SCNN1B: variants seen among roughly 807,000 people sequenced by gnomAD.
The protein encoded by SCNN1B is epithelial sodium channel subunit beta.
SCNN1B carries 46 observed loss-of-function variants against 65.3 expected under a neutral mutation model. The observed-to-expected ratio is 0.70, with a 90% CI of 0.56 to 0.90. The LOEUF is 0.90. Among genes scored for constraint, SCNN1B ranks in the 40% least tolerant of loss-of-function variants. The pLI is 0.00. For synonymous variants in SCNN1B, 349 were observed against 330.6 expected, an observed-to-expected ratio of 1.06 and a Z score of -0.60; for missense variants, 751 against 830.5, an observed-to-expected ratio of 0.90 and a Z score of 1.18.
At chr16:23,313,681 G>A (rs539655202) in intron 1 of SCNN1B, among the ~76,000 whole-genome samples, 5 of 152,100 alleles carry the variant, frequency 3.3e-5, no homozygotes, top group South Asian at 4.2e-4. Flanking sequence ...GCACGATCTC[G>A]GCTCACTGCA....
chr16:23,360,451 AG>A (rs1286829968), intron 4 of SCNN1B, among the ~76,000 whole-genome samples: 1 of 152,008 alleles, frequency 6.6e-6, no homozygotes, highest in South Asian at 2.1e-4. Flanking sequence ...CTGGAGGCTG[AG>A]GGGGAAGGAT....
chr16:23,361,933 C>T (rs1319069534), intron 4 of SCNN1B, among the ~76,000 whole-genome samples: 2 of 152,144 alleles, frequency 1.3e-5, no homozygotes, highest in African/African-American at 4.8e-5. Flanking sequence ...AAGCTGGTCT[C>T]AAACTCCTGG....
At chr16:23,328,368 A>T (rs1013331374) in intron 1 of SCNN1B, among the ~76,000 whole-genome samples, 1 of 152,230 alleles carries the variant, frequency 6.6e-6, no homozygotes, top group African/African-American at 2.4e-5. Flanking sequence ...TTAAAGAAAG[A>T]TATTAAGTAA....
At chr16:23,292,288 G>A (rs572373478) in intron 2 of SCNN1B, among the ~76,000 whole-genome samples, 1 of 151,560 alleles carries the variant, frequency 6.6e-6, no homozygotes, top group African/African-American at 2.4e-5. Context: ...CCGCCTACAG[G>A]GTTCATGCCA....
intron 2 of SCNN1B, among the ~76,000 whole-genome samples, chr16:23,286,803 C>A (rs1389001248): frequency 6.6e-6 from 1 of 152,062 alleles, no homozygotes; most frequent in African/African-American, 2.4e-5. Context: ...TGGAATCAAG[C>A]CAGGAGCCTG....
rs1277667241 is a variant in SCNN1B at position 23,380,083 on chromosome 16, G to A, written c.1467-11G>A. 2.5e-6 allele frequency: 4 copies of A among 1,612,128 alleles called. No individual in the cohort carries two copies. Among genetic ancestry groups the A allele is most frequent in the African/African-American group, 2.7e-5 (2 of 74,846 alleles). ...TACATTAGTCCCGGCCCTTCTCGCT[G>A]CCTCCTGCAGGAAGGGAATTGTCAA... On this transcript the variant is annotated splice_polypyrimidine_tract_variant and intron_variant, in intron 11 of 12. Transcript: ENST00000343070. The surrounding 1 kb of genome is among the most constrained non-coding windows in gnomAD (Gnocchi z 5.4).
At chr16:23,303,288 C>T (rs1387454963) in intron 1 of SCNN1B, among the ~76,000 whole-genome samples, 1 of 152,122 alleles carries the variant, frequency 6.6e-6, no homozygotes, top group Non-Finnish European at 1.5e-5. Context: ...CTCACCTCCA[C>T]CAGGGAGTAG....
rs1961000977 is a variant in SCNN1B, at chr16:23,296,626, AG to A, written n.178+12824del. Among the ~76,000 whole-genome samples the A allele has an allele frequency of 2.0e-5, 3 of 152,172 alleles. No homozygotes were observed. In the South Asian group the frequency reaches 6.2e-4, roughly 31 times the overall value. On this transcript the variant is annotated intron_variant and non_coding_transcript_variant, in intron 2 of 3. Coordinates refer to the SCNN1B transcript ENST00000569789. ...GGAGACAGAAAGAGGGATAACAAAA[AG>A]GACATGGATCGTGTCAGCTGGCGTG...
intron 2 of SCNN1B, among the ~76,000 whole-genome samples, chr16:23,350,666 A>AT (rs1962289222): frequency 6.6e-6 from 1 of 152,184 alleles, no homozygotes; most frequent in African/African-American, 2.4e-5. Context: ...TAATCTCAGC[A>AT]TTTTGAGAGG....
At chr16:23,376,345 CGT>C (rs10584896) in intron 8 of SCNN1B, among the ~76,000 whole-genome samples, 14,587 of 147,878 alleles carry the variant, frequency 0.099, 1,926 homozygotes, top group African/African-American at 0.3. Flanking sequence ...CTTTTGTGCA[CGT>C]GTGTGTGTGT....
intron 1 of SCNN1B, among the ~76,000 whole-genome samples, chr16:23,305,795 G>A (rs1337530490): frequency 6.6e-6 from 1 of 151,576 alleles, no homozygotes; most frequent in Admixed American, 6.6e-5. Context: ...CTCTGGGCCA[G>A]ACACTCAGCT....
chr16:23,346,179 G>A (rs1440284598), intron 1 of SCNN1B, among the ~76,000 whole-genome samples: 1 of 140,584 alleles, frequency 7.1e-6, no homozygotes, highest in Non-Finnish European at 1.5e-5. Flanking sequence ...TTGTATCCAT[G>A]GAACACCCTT....
chr16:23,297,211 C>T (rs1038804053), intron 2 of SCNN1B, among the ~76,000 whole-genome samples: 1 of 152,148 alleles, frequency 6.6e-6, no homozygotes, highest in Non-Finnish European at 1.5e-5. Flanking sequence ...CTTAGGCAGG[C>T]AGTTGCCTAT....
chr16:23,313,132 G>A (rs887678659), intron 1 of SCNN1B, among the ~76,000 whole-genome samples: 2 of 152,164 alleles, frequency 1.3e-5, no homozygotes, highest in African/African-American at 2.4e-5. Flanking sequence ...CTCAGTGAAC[G>A]TTTATTGAAT....
chr16:23,339,882 A>G (rs760769909), intron 1 of SCNN1B, among the ~76,000 whole-genome samples: 2 of 152,068 alleles, frequency 1.3e-5, no homozygotes, highest in African/African-American at 2.4e-5. Flanking sequence ...ACAAGAAACT[A>G]TATCAAACTA....
Position 23,380,701 on chromosome 16 carries a change from A to G in SCNN1B, c.1823A>G (p.Gln608Arg). 1 of 1,612,018 alleles carries G rather than the reference A, an allele frequency of 6.2e-7. No individual in the cohort carries two copies. Among genetic ancestry groups the G allele is most frequent in the Non-Finnish European group, 8.5e-7 (1 of 1,179,320 alleles). ...SPNTGPYPSE[Q>R]ALPIPGTPPP... ...AACACTGGGCCCTACCCCAGTGAGCAGGCCCTGCCCATCCCAGGCACCCCG... is the reference window on the plus strand; with the variant it reads ...AACACTGGGCCCTACCCCAGTGAGCGGGCCCTGCCCATCCCAGGCACCCCG... Residue 608 changes from glutamine (Q) to arginine (R), a missense_variant, in exon 13 of 13, where the codon CAG (glutamine) becomes CGG (arginine). Coordinates refer to ENST00000343070, the MANE Select transcript of SCNN1B (RefSeq NM_000336.3). The surrounding 1 kb of genome is among the most constrained non-coding windows in gnomAD (Gnocchi z 5.4).
Position 23,367,898 on chromosome 16 carries a change from C to T in SCNN1B, c.819C>T (p.Tyr273=), listed in dbSNP as rs369135007. The T allele has an allele frequency of 2.5e-6, 4 of 1,614,200 alleles. No individual in the cohort carries two copies. Among genetic ancestry groups the T allele is most frequent in the Admixed American group, 1.7e-5 (1 of 60,036 alleles). Residue 273 remains tyrosine (Y), a synonymous_variant, in exon 5 of 13, where the codon TAC becomes TAT. Transcript: ENST00000343070. The part of the protein sequence containing the change: ...SIFYPHYGNC[Y]IFNWGMTEKA... ...TCTACCCTCACTATGGCAACTGTTA[C>T]ATCTTCAACTGGGGCATGACAGAGA...
chr16:23,373,268 G>A (rs1962822867), intron 7 of SCNN1B, among the ~76,000 whole-genome samples: 2 of 152,140 alleles, frequency 1.3e-5, no homozygotes, highest in Non-Finnish European at 2.9e-5. Flanking sequence ...ACAGGCATGA[G>A]CCACTGTCCC....
intron 2 of SCNN1B, among the ~76,000 whole-genome samples, chr16:23,289,763 C>T (rs1960898324): frequency 6.7e-6 from 1 of 149,796 alleles, no homozygotes; most frequent in Admixed American, 6.7e-5. Flanking sequence ...GCAACCTCTG[C>T]CTCTGGGATT....
Sources: allele counts gnomAD v4.1 joint callset (sites outside exome capture counted in the v4.1 genomes callset), GRCh38; gene constraint gnomAD v4.1.1; non-coding constraint Gnocchi (gnomAD v3.1); transcripts MANE v1.5; gene names NCBI Gene and HGNC (gene_info 2026-07-23, HGNC 2026-07-21).